EIF4G3: variants seen among roughly 807,000 people sequenced by gnomAD.
EIF4G3 encodes the protein eukaryotic translation initiation factor 4 gamma 3, also known as eIF-4-gamma 3.
In EIF4G3, 34 loss-of-function variants were observed where a neutral mutation model predicts 186.4. The ratio of observed to expected loss-of-function variants is 0.18; its 90% CI spans 0.14 to 0.24. EIF4G3 has a LOEUF of 0.24. Among genes scored for constraint, EIF4G3 ranks in the 10% least tolerant of loss-of-function variants. The probability of loss-of-function intolerance (pLI) is 1.00; values close to 1 mark genes in which losing one functional copy is unlikely to be tolerated. For missense variants in EIF4G3, 1,536 were observed against 1,948.5 expected (o/e 0.79, Z 3.99); for synonymous variants, 673 against 679.5 (o/e 0.99, Z 0.15).
At chr1:21,040,078 A>G (rs1339839767) in intron 4 of EIF4G3, among the ~76,000 whole-genome samples, 2 of 152,216 alleles carry the variant, frequency 1.3e-5, no homozygotes, top group Non-Finnish European at 2.9e-5. Flanking sequence ...AGAATCGCCA[A>G]CGTCTGTCTT....
At chr1:21,067,250 A>G (rs2095280250) in intron 3 of EIF4G3, among the ~76,000 whole-genome samples, 1 of 148,754 alleles carries the variant, frequency 6.7e-6, no homozygotes, top group South Asian at 2.1e-4. Flanking sequence ...CTCCTGCCTC[A>G]GCCTCCCGAA....
intron 13 of EIF4G3, among the ~76,000 whole-genome samples, chr1:20,945,033 C>A (rs1253888973): frequency 6.6e-6 from 1 of 151,968 alleles, no homozygotes; most frequent in African/African-American, 2.4e-5. Flanking sequence ...CAAAACAAAA[C>A]AAATTGTGAG....
intron 10 of EIF4G3, among the ~76,000 whole-genome samples, chr1:20,977,833 G>A (rs2154566295): frequency 6.6e-6 from 1 of 152,214 alleles, no homozygotes; most frequent in Middle Eastern, 3.4e-3. Flanking sequence ...CATCATTACT[G>A]TTTCTATACA....
chr1:20,859,885 G>A (rs4654879), intron 24 of EIF4G3, among the ~76,000 whole-genome samples: 79,297 of 152,104 alleles, frequency 0.52, 21,380 homozygotes, highest in East Asian at 0.83. Context: ...GAGCCACTGC[G>A]TCCGGCCTGC....
At chr1:21,144,814 C>T (rs1486032257) in intron 2 of EIF4G3, among the ~76,000 whole-genome samples, 1 of 152,130 alleles carries the variant, frequency 6.6e-6, no homozygotes, top group Non-Finnish European at 1.5e-5. Context: ...AGCTTTCTAC[C>T]TCCTAATCCT....
chr1:20,904,836 T>G, intron 15 of EIF4G3, 47 bp downstream of exon 15: 21 of 1,462,294 alleles, frequency 1.4e-5, no homozygotes, highest in South Asian at 2.3e-5. Flanking sequence ...TACCTGTCTA[T>G]GAAATGGCAC....
chr1:21,130,034 T>C (rs894747381), intron 2 of EIF4G3, among the ~76,000 whole-genome samples: 2 of 151,878 alleles, frequency 1.3e-5, no homozygotes, highest in Non-Finnish European at 2.9e-5. Context: ...TGTGGGTAAA[T>C]TAGCTACCAT....
intron 3 of EIF4G3, among the ~76,000 whole-genome samples, chr1:21,065,472 G>C (rs958581374): frequency 1.3e-4 from 19 of 151,148 alleles, no homozygotes; most frequent in African/African-American, 4.6e-4. Flanking sequence ...GGGAGAGAAG[G>C]ATTAAGCCCA....
intron 2 of EIF4G3, among the ~76,000 whole-genome samples, chr1:21,144,017 G>C (rs1208356109): frequency 6.6e-6 from 1 of 152,184 alleles, no homozygotes; most frequent in African/African-American, 2.4e-5. Context: ...ATAGGCATGA[G>C]ACACTATGCC....
At chr1:20,994,448 C>T (rs2081835717) in intron 7 of EIF4G3, among the ~76,000 whole-genome samples, 1 of 152,046 alleles carries the variant, frequency 6.6e-6, no homozygotes, top group African/African-American at 2.4e-5. Flanking sequence ...AAGAATTTAA[C>T]TGGTGTTCAG....
chr1:20,909,003 T>C (rs1301646779), intron 14 of EIF4G3, among the ~76,000 whole-genome samples: 2 of 151,922 alleles, frequency 1.3e-5, no homozygotes, highest in Non-Finnish European at 2.9e-5. Flanking sequence ...AATACAAAAA[T>C]TAGCCAGGCA....
rs1354851738 is a variant in EIF4G3, at chr1:21,051,242, A to G, written c.-195-248T>C. On this transcript the variant is annotated intron_variant, in intron 3 of 36. Transcript: ENST00000602326. ...GCATGATCTCAAAACCAAAAATCAT[A>G]AAGGAAAACACATGCTACAGGAAAG... Among the ~76,000 whole-genome samples the G allele has an allele frequency of 5.3e-5, 8 of 152,342 alleles. No homozygotes were observed. In the East Asian group the frequency reaches 1.3e-3, roughly 26 times the overall value.
intron 22 of EIF4G3, 60 bp from the exon 23 acceptor site, chr1:20,862,392 T>C: frequency 2.0e-6 from 2 of 1,011,284 alleles, no homozygotes; most frequent in East Asian, 2.5e-5. Flanking sequence ...ATTTTACCAA[T>C]TTACAGTTAT....
Position 21,176,762 on chromosome 1 carries a change from T to C in EIF4G3, c.-496A>G, listed in dbSNP as rs909986868. ...CCTCATGGGCCGGCGGCGGGGGATC[T>C]TTATCCCCCTCCCCGGAGGAAGCGG... On this transcript the variant is annotated 5_prime_UTR_variant, in exon 1 of 37. Coordinates refer to ENST00000602326, the MANE Select transcript of EIF4G3 (RefSeq NM_001391906.1). 1 of 699,086 alleles carries C rather than the reference T, an allele frequency of 1.4e-6. No individual in the cohort carries two copies. The highest frequency in any genetic ancestry group is 1.8e-5 in the African/African-American group (1 of 56,834). 43.3% of individuals were successfully genotyped at this position (699,086 alleles called of 1,614,324 possible). A position where few individuals can be genotyped will look rare whatever the true frequency, so the allele number is the denominator to read the frequency against.
chr1:20,844,542 C>A (rs1208583282), intron 29 of EIF4G3, among the ~76,000 whole-genome samples: 3 of 151,748 alleles, frequency 2.0e-5, no homozygotes, highest in African/African-American at 4.8e-5. Context: ...AGATGCTGCA[C>A]ATAAGACCTT....
At chr1:20,884,580 G>T (rs1011774025) in intron 19 of EIF4G3, among the ~76,000 whole-genome samples, 3 of 151,994 alleles carry the variant, frequency 2.0e-5, no homozygotes, top group Admixed American at 6.6e-5. Flanking sequence ...GGACAAAAAA[G>T]ACTTTTTTTT....
chr1:20,842,370 T>A (rs960159813), intron 29 of EIF4G3, among the ~76,000 whole-genome samples: 1 of 152,186 alleles, frequency 6.6e-6, no homozygotes, highest in Admixed American at 6.5e-5. Context: ...TGTAAAATGG[T>A]TTCTTTTTTC....
rs1467392350 is a variant in EIF4G3 at position 21,026,533 on chromosome 1, A to AT, written c.-66-23726_-66-23725insA. Among the ~76,000 whole-genome samples, 3 of 149,270 alleles carry AT rather than the reference A, an allele frequency of 2.0e-5. No individual in the cohort carries two copies. In the East Asian group the frequency reaches 5.8e-4, roughly 29 times the overall value. ...AAAGGCAGAAGCAAAAAAAAAAAAA[A>AT]GTAGACAACTTGGGCATATTAACAA... On this transcript the variant is annotated intron_variant, in intron 4 of 36. Coordinates refer to ENST00000602326, the MANE Select transcript of EIF4G3 (RefSeq NM_001391906.1).
chr1:21,058,309 C>T (rs778424048), intron 3 of EIF4G3, among the ~76,000 whole-genome samples: 5 of 152,132 alleles, frequency 3.3e-5, no homozygotes, highest in Admixed American at 1.3e-4. Flanking sequence ...CTCCTGTAGT[C>T]AAGTACTGGC....
Sources: allele counts gnomAD v4.1 joint callset (sites outside exome capture counted in the v4.1 genomes callset), GRCh38; gene constraint gnomAD v4.1.1; transcripts MANE v1.5; gene names NCBI Gene and HGNC (gene_info 2026-07-23, HGNC 2026-07-21).